The following KLHL20 variants were observed in gnomAD, a reference collection of about 807,000 sequenced individuals.
KLHL20 encodes the protein kelch like family member 20, also known as kelch-like protein 20.
A neutral mutation model predicts 69.5 loss-of-function variants in KLHL20; 29 were observed. The ratio of observed to expected loss-of-function variants is 0.42; its 90% CI spans 0.31 to 0.57. The LOEUF is 0.57. Ranked by LOEUF, KLHL20 falls within the 20% of genes least tolerant of loss-of-function variation. The pLI, the probability that KLHL20 is intolerant of heterozygous loss-of-function variation, is 0.18. For missense variants in KLHL20, 419 were observed against 776.0 expected, an observed-to-expected ratio of 0.54 and a Z score of 5.47; for synonymous variants, 253 against 265.2, an observed-to-expected ratio of 0.95 and a Z score of 0.45.
intron 3 of KLHL20, among the ~76,000 whole-genome samples, chr1:173,735,229 T>C (rs112352858): frequency 1.5e-4 from 23 of 152,174 alleles, no homozygotes. Context: ...GCAGATTGCA[T>C]GAGCTCAGGA....
At chr1:173,756,195 T>TA (rs1673539755) in intron 6 of KLHL20, among the ~76,000 whole-genome samples, 157 bp downstream of exon 6, 1 of 148,452 alleles carries the variant, frequency 6.7e-6, no homozygotes, top group Non-Finnish European at 1.5e-5. Context: ...TCCACACTGA[T>TA]ATACTCCAAA....
At chr1:173,731,094 C>G (rs1672252503) in intron 2 of KLHL20, among the ~76,000 whole-genome samples, 1 of 152,152 alleles carries the variant, frequency 6.6e-6, no homozygotes, top group African/African-American at 2.4e-5. Flanking sequence ...GACATTTATG[C>G]AGCCAAAAGA....
intron 3 of KLHL20, among the ~76,000 whole-genome samples, chr1:173,747,807 A>G (rs751121584): frequency 4.0e-5 from 6 of 151,726 alleles, no homozygotes; most frequent in Non-Finnish European, 8.8e-5. Context: ...TCCACTGGTT[A>G]CTTTTACAAA....
chr1:173,751,842 C>A lies in KLHL20; in HGVS notation c.676C>A (p.Arg226Ser), dbSNP rs138294034. The A allele has an allele frequency of 1.2e-6, 2 of 1,613,734 alleles. No individual in the cohort carries two copies. The highest frequency in any genetic ancestry group is 1.7e-6 in the Non-Finnish European group (2 of 1,179,826). The stretch of plus-strand genomic sequence containing the variant: ...AATATCCAGTGATGAGCTAAACGTT[C>A]GCAGTGAAGAACAAGTGTTCAATGC... Reference protein sequence around the residue: ...DIISSDELNVRSEEQVFNAVM... With the variant: ...DIISSDELNVSSEEQVFNAVM... Residue 226 changes from arginine to serine, a missense_variant, in exon 4 of 12, where the codon CGC (arginine) becomes AGC (serine). By Grantham distance (110) the Arg-to-Ser change is moderately radical. Transcript: ENST00000209884.
chr1:173,716,017 T>C lies in KLHL20; in HGVS notation c.-27T>C. On this transcript the variant is annotated 5_prime_UTR_variant, in exon 2 of 12. Transcript: ENST00000209884. Reference sequence around the variant, plus strand: ...TGTTGTCTTAGGTTCGGCTTTAGAGTGTGGTGAAGGGTACTTTTCATGGTG... The same window carrying C: ...TGTTGTCTTAGGTTCGGCTTTAGAGCGTGGTGAAGGGTACTTTTCATGGTG... 6.2e-7 allele frequency: 1 copy of C among 1,611,972 alleles called. No individual in the cohort carries two copies. The highest frequency in any genetic ancestry group is 8.5e-7 in the Non-Finnish European group (1 of 1,178,702).
rs940772524 is a variant in KLHL20 at position 173,757,124 on chromosome 1, C to T, written c.1116C>T (p.Gly372=). 1.2e-6 allele frequency: 2 copies of T among 1,613,556 alleles called. No homozygotes were observed. Among genetic ancestry groups the T allele is most frequent in the African/African-American group, 1.3e-5 (1 of 74,878 alleles). The change falls in exon 7 of 12, where the codon GGC becomes GGT. Residue 372 remains glycine, a synonymous_variant. Coordinates refer to ENST00000209884, the MANE Select transcript of KLHL20 (RefSeq NM_014458.4). ...VLDDLLYAVG[G]HDGSSYLNSV... is the part of the protein sequence containing the mutation. ...ATGATCTGTTATATGCAGTAGGAGG[C>T]CATGATGGATCCTCTTATCTCAATA...
chr1:173,773,707 C>G (rs935631830), intron 8 of KLHL20, among the ~76,000 whole-genome samples: 1 of 151,944 alleles, frequency 6.6e-6, no homozygotes, highest in Admixed American at 6.6e-5. Context: ...ACTAAAATTC[C>G]ATTGAAGAAA....
At chr1:173,775,502 C>A in intron 9 of KLHL20, 132 bp from the exon 10 acceptor site, 1 of 733,316 alleles carries the variant, frequency 1.4e-6, no homozygotes, top group Non-Finnish European at 2.3e-6. Flanking sequence ...GTATACAAAT[C>A]CTTCTCAGAA....
At chr1:173,728,375 G>A (rs1392900504) in intron 2 of KLHL20, among the ~76,000 whole-genome samples, 1 of 152,120 alleles carries the variant, frequency 6.6e-6, no homozygotes, top group Non-Finnish European at 1.5e-5. Flanking sequence ...TTTGAACTCA[G>A]CTCTGCACCA....
chr1:173,748,979 G>C (rs971448221), intron 3 of KLHL20, among the ~76,000 whole-genome samples: 3 of 152,014 alleles, frequency 2.0e-5, no homozygotes, highest in Admixed American at 6.6e-5. Flanking sequence ...AGAAAGTTCT[G>C]AAATCCCTTC....
chr1:173,718,503 A>T (rs1461783798), intron 2 of KLHL20, among the ~76,000 whole-genome samples: 1 of 151,446 alleles, frequency 6.6e-6, no homozygotes, highest in Admixed American at 6.6e-5. Flanking sequence ...CCGTGATCAT[A>T]CCATTGAACC....
chr1:173,759,560 C>T (rs1673700391), intron 7 of KLHL20, among the ~76,000 whole-genome samples: 1 of 152,210 alleles, frequency 6.6e-6, no homozygotes, highest in African/African-American at 2.4e-5. Flanking sequence ...TCTGTGCAGA[C>T]ATCCCCTACT....
At chr1:173,746,024 C>T (rs1673043482) in intron 3 of KLHL20, among the ~76,000 whole-genome samples, 1 of 151,802 alleles carries the variant, frequency 6.6e-6, no homozygotes, top group Non-Finnish European at 1.5e-5. Context: ...TTATTAGGAG[C>T]AGTGTTGAAT....
chr1:173,783,683 C>A (rs539137517), intron 11 of KLHL20, among the ~76,000 whole-genome samples: 390 of 152,166 alleles, frequency 2.6e-3, no homozygotes, highest in Non-Finnish European at 4.3e-3. Flanking sequence ...GCCTGGCCAA[C>A]ATGATGAAAC....
intron 3 of KLHL20, among the ~76,000 whole-genome samples, chr1:173,751,447 T>C (rs1673308710): frequency 6.6e-6 from 1 of 152,234 alleles, no homozygotes; most frequent in Non-Finnish European, 1.5e-5. Context: ...TGACTTTTTA[T>C]ATGCCTTATA....
At chr1:173,727,774 C>T (rs1033572783) in intron 2 of KLHL20, among the ~76,000 whole-genome samples, 8 of 152,106 alleles carry the variant, frequency 5.3e-5, no homozygotes, top group Admixed American at 2.0e-4. Flanking sequence ...AAGGAACAAC[C>T]GGTACCAGCC....
intron 3 of KLHL20, among the ~76,000 whole-genome samples, chr1:173,735,523 CAAA>C (rs901551791): frequency 1.7e-4 from 26 of 151,822 alleles, no homozygotes; most frequent in Non-Finnish European, 3.1e-4. Context: ...TAAGCAAAGA[CAAA>C]ACATGGTCTG....
intron 3 of KLHL20, among the ~76,000 whole-genome samples, chr1:173,738,352 TAG>T (rs906401571): frequency 1.3e-5 from 2 of 152,126 alleles, no homozygotes; most frequent in African/African-American, 4.8e-5. Flanking sequence ...TATTTTTCTG[TAG>T]AGACACGGTT....
At chr1:173,771,847 T>C (rs539871875) in intron 8 of KLHL20, among the ~76,000 whole-genome samples, 3 of 152,222 alleles carry the variant, frequency 2.0e-5, no homozygotes, top group Admixed American at 2.0e-4. Context: ...AAAGAAGAGG[T>C]ATGCAAAAAT....
Sources: gnomAD v4.1 joint callset for allele counts (sites outside exome capture counted in the v4.1 genomes callset) on GRCh38, gnomAD v4.1.1 for gene constraint, MANE v1.5 for transcripts, NCBI Gene and HGNC (gene_info 2026-07-23, HGNC 2026-07-21) for gene names.